IL6ST: variants seen among roughly 807,000 people sequenced by gnomAD.
IL6ST encodes interleukin-6 receptor subunit beta.
In IL6ST, 24 loss-of-function variants were observed where a neutral mutation model predicts 91.3. The observed-to-expected ratio is 0.26, with a 90% CI of 0.19 to 0.37. The LOEUF (loss-of-function observed/expected upper bound fraction) is 0.37, where lower values mean the gene tolerates loss of function less well. Among genes scored for constraint, IL6ST ranks in the 10% least tolerant of loss-of-function variants. The pLI, the probability that IL6ST is intolerant of heterozygous loss-of-function variation, is 1.00. For missense variants in IL6ST, 914 were observed against 1,078.5 expected (o/e 0.85, Z 2.14); for synonymous variants, 351 against 373.6 (o/e 0.94, Z 0.70).
At chr5:55,950,249 T>C (rs1294682896) in intron 14 of IL6ST, 2 of 465,956 alleles carry the variant, frequency 4.3e-6, no homozygotes, top group Non-Finnish European at 8.6e-6. Context: ...GAAAACAGGG[T>C]CAAGAGGCCG....
In IL6ST at chr5:55,949,805, A is replaced by G. The variant is rs374104576; in HGVS notation, c.1840+1659T>C. Among the ~76,000 whole-genome samples, 40 of 152,206 alleles carry G rather than the reference A, an allele frequency of 2.6e-4. No homozygotes were observed. The East Asian group carries it at 7.5e-3, about 29-fold the overall frequency. ...CCCTCATTCAGCAAGCATTCAACCA[A>G]CAAGGCACATGGAATTTACTACTTA... is the stretch of plus-strand genomic sequence containing the variant. On this transcript the variant is annotated intron_variant, in intron 14 of 16. Transcript: ENST00000381298.
rs1437978514 is a variant in IL6ST, at chr5:55,956,224, A to G, written c.1068T>C (p.Pro356=). The G allele has an allele frequency of 6.3e-7, 1 of 1,575,102 alleles. No individual in the cohort carries two copies. The highest frequency in any genetic ancestry group is 2.2e-5 in the East Asian group (1 of 44,686). Residue 356 remains proline (P), a synonymous_variant, in exon 10 of 17, where the codon CCT becomes CCC. Coordinates refer to ENST00000381298, the MANE Select transcript of IL6ST (RefSeq NM_002184.4). Reference sequence around the variant, plus strand: ...CCAAGATTTTTCCATTGGCTTCAAAAGGAGGCAATGTCTGTAATAAAATAG... The same window carrying G: ...CCAAGATTTTTCCATTGGCTTCAAAGGGAGGCAATGTCTGTAATAAAATAG... The part of the protein sequence containing the change: ...TVQLVWKTLP[P]FEANGKILDY...
chr5:55,972,546 T>A (rs1324927377), intron 3 of IL6ST, among the ~76,000 whole-genome samples: 1 of 151,994 alleles, frequency 6.6e-6, no homozygotes, highest in Non-Finnish European at 1.5e-5. Flanking sequence ...TTTTTCAAAG[T>A]GAGACACAGC....
intron 3 of IL6ST, among the ~76,000 whole-genome samples, chr5:55,974,082 T>C (rs1220906044): frequency 6.6e-6 from 1 of 152,158 alleles, no homozygotes; most frequent in Non-Finnish European, 1.5e-5. Context: ...TAGCTCAACA[T>C]GAAACAAGGG....
intron 3 of IL6ST, among the ~76,000 whole-genome samples, chr5:55,970,159 G>C (rs916134732): frequency 2.0e-5 from 3 of 152,038 alleles, no homozygotes; most frequent in African/African-American, 7.2e-5. Flanking sequence ...ATTCATACTT[G>C]CCCCACAACG....
chr5:55,987,231 G>T (rs1754026026), intron 1 of IL6ST, among the ~76,000 whole-genome samples: 3 of 152,070 alleles, frequency 2.0e-5, no homozygotes, highest in African/African-American at 7.2e-5. Context: ...TTTCCATCTG[G>T]TATCATTTTC....
In IL6ST at chr5:55,952,399, T is replaced by C. The variant is rs1214467503; in HGVS notation, c.1451-48A>G. 3 of 1,049,348 alleles carry C rather than the reference T, an allele frequency of 2.9e-6. No individual in the cohort carries two copies. In the South Asian group the frequency reaches 4.4e-5, roughly 15 times the overall value. 65.0% of individuals were successfully genotyped at this position (1,049,348 alleles called of 1,614,324 possible). A position where few individuals can be genotyped will look rare whatever the true frequency, so the allele number is the denominator to read the frequency against. ...AGCATGTTTTTCCATAATGAAAAAG[T>C]CAAGTTAATACCGTAATTTATTTTT... is the stretch of plus-strand genomic sequence containing the variant. On this transcript the variant is annotated intron_variant, in intron 11 of 16. Transcript: ENST00000381298.
chr5:55,956,605 T>C (rs1031962861), intron 9 of IL6ST, among the ~76,000 whole-genome samples: 1 of 152,196 alleles, frequency 6.6e-6, no homozygotes, highest in Admixed American at 6.5e-5. Flanking sequence ...TCACAAACTT[T>C]TATTATTTTC....
At chr5:55,991,700 G>T (rs962293297) in intron 1 of IL6ST, among the ~76,000 whole-genome samples, 1 of 150,982 alleles carries the variant, frequency 6.6e-6, no homozygotes, top group Non-Finnish European at 1.5e-5. Flanking sequence ...GCTTTGATGT[G>T]CCTATCCAAT....
intron 5 of IL6ST, among the ~76,000 whole-genome samples, chr5:55,966,466 A>C (rs540627510): frequency 2.0e-3 from 309 of 152,282 alleles, no homozygotes; most frequent in Non-Finnish European, 3.7e-3. Context: ...GTCAAAACTC[A>C]CTGAATGATA....
Position 55,941,480 on chromosome 5 carries a change from A to C in IL6ST, c.2359T>G (p.Leu787Val). 2 of 1,614,210 alleles carry C rather than the reference A, an allele frequency of 1.2e-6. No homozygotes were observed. Among genetic ancestry groups the C allele is most frequent in the Non-Finnish European group, 1.7e-6 (2 of 1,180,020 alleles). ...FSRSESTQPL[L>V]DSEERPEDLQ... Reference sequence around the variant, plus strand: ...TCTTCTGGCCGCTCCTCTGAATCTAACAAGGGCTGGGTAGACTCGGATCTT... The same window carrying C: ...TCTTCTGGCCGCTCCTCTGAATCTACCAAGGGCTGGGTAGACTCGGATCTT... The change falls in exon 17 of 17, where the codon TTA becomes GTA. Residue 787 changes from leucine to valine, a missense_variant. Leu to Val is a conservative substitution (Grantham distance 32). Coordinates refer to ENST00000381298, the MANE Select transcript of IL6ST (RefSeq NM_002184.4).
chr5:55,978,123 CA>C (rs1226592146), intron 2 of IL6ST: 1 of 152,164 alleles, frequency 6.6e-6, no homozygotes, highest in Non-Finnish European at 1.5e-5. Context: ...TGGATACTGG[CA>C]AAAGGCATGA....
In IL6ST at chr5:55,935,474, C is replaced by G. The variant is rs931897488; in HGVS notation, c.*5608G>C. Reference sequence around the variant, plus strand: ...GTACATTTTCCTCCCTTGATGGAGACAGAACTTTTCTATGGAGAACCCAAG... The same window carrying G: ...GTACATTTTCCTCCCTTGATGGAGAGAGAACTTTTCTATGGAGAACCCAAG... On this transcript the variant is annotated 3_prime_UTR_variant, in exon 17 of 17. Coordinates refer to ENST00000381298, the MANE Select transcript of IL6ST (RefSeq NM_002184.4). The G allele has an allele frequency of 1.7e-5, 3 of 174,916 alleles. No individual in the cohort carries two copies. The highest frequency in any genetic ancestry group is 1.1e-4 in the African/African-American group (3 of 26,254). The allele number at this position is 174,916 out of a possible 1,614,324, so 10.8% of individuals were successfully genotyped here. A position where few individuals can be genotyped will look rare whatever the true frequency, so the allele number is the denominator to read the frequency against.
At chr5:55,971,129 T>G (rs970226287) in intron 3 of IL6ST, among the ~76,000 whole-genome samples, 1 of 152,208 alleles carries the variant, frequency 6.6e-6, no homozygotes, top group African/African-American at 2.4e-5. Context: ...AACTATTATG[T>G]ATCATAATCT....
At chr5:55,963,796 C>T (rs1752477933) in intron 6 of IL6ST, among the ~76,000 whole-genome samples, 1 of 152,002 alleles carries the variant, frequency 6.6e-6, no homozygotes, top group Non-Finnish European at 1.5e-5. Context: ...AAAAATGGAA[C>T]ATACATACTG....
chr5:55,948,537 CATAT>C (rs374790595), intron 14 of IL6ST, among the ~76,000 whole-genome samples: 1 of 147,654 alleles, frequency 6.8e-6, no homozygotes. Flanking sequence ...TGCTAAGCAT[CATAT>C]ATATATATAT....
chr5:55,943,255 C>G (rs1279233712), intron 15 of IL6ST, among the ~76,000 whole-genome samples: 2 of 152,096 alleles, frequency 1.3e-5, no homozygotes, highest in African/African-American at 4.8e-5. Flanking sequence ...AGTAGTAAAG[C>G]TGACAACCTA....
chr5:55,962,933 G>A (rs188754290), intron 7 of IL6ST, among the ~76,000 whole-genome samples: 92 of 151,928 alleles, frequency 6.1e-4, no homozygotes, highest in Admixed American at 2.0e-3. Flanking sequence ...TGGGCAACAC[G>A]GCGAGACTCC....
intron 1 of IL6ST, among the ~76,000 whole-genome samples, chr5:55,986,365 T>A (rs1753970731): frequency 6.6e-6 from 1 of 152,374 alleles, no homozygotes; most frequent in East Asian, 1.9e-4. Flanking sequence ...TTCTCTGAAA[T>A]CTACTTTGAT....
Sources: gnomAD v4.1 joint callset for allele counts (sites outside exome capture counted in the v4.1 genomes callset) on GRCh38, gnomAD v4.1.1 for gene constraint, MANE v1.5 for transcripts, NCBI Gene and HGNC (gene_info 2026-07-23, HGNC 2026-07-21) for gene names.